The following SEC16B variants were observed in gnomAD, a reference collection of about 807,000 sequenced individuals.
The protein encoded by SEC16B is protein transport protein Sec16B.
A neutral mutation model predicts 141.8 loss-of-function variants in SEC16B; 115 were observed. The ratio of observed to expected loss-of-function variants is 0.81; its 90% CI spans 0.70 to 0.95. The LOEUF is 0.95. Ranked by LOEUF, SEC16B falls within the 40% of genes least tolerant of loss-of-function variation. SEC16B has a pLI of 0.00. For missense variants in SEC16B, 1,291 were observed against 1,312.3 expected (o/e 0.98, Z 0.25); for synonymous variants, 493 against 492.5 (o/e 1.00, Z -0.01).
At chr1:177,930,354 C>T (rs1650325205) in intron 25 of SEC16B, among the ~76,000 whole-genome samples, 191 bp downstream of exon 25, 1 of 152,218 alleles carries the variant, frequency 6.6e-6, no homozygotes, top group Non-Finnish European at 1.5e-5. Flanking sequence ...GTTCCAGGCC[C>T]TTCATATACA....
chr1:177,975,138 T>A (rs535184926), upstream of SEC16B, among the ~76,000 whole-genome samples: 2 of 152,268 alleles, frequency 1.3e-5, no homozygotes, highest in Non-Finnish European at 2.9e-5. Flanking sequence ...GGAGTGGGCT[T>A]TAACTAAGAA....
upstream of SEC16B, chr1:177,970,092 C>T (rs1653863410): frequency 6.6e-6 from 1 of 152,368 alleles, no homozygotes; most frequent in African/African-American, 2.4e-5. Flanking sequence ...CCAGATACCG[C>T]AGCCCAGGAC....
chr1:177,946,438 A>C lies in SEC16B; in HGVS notation c.1757T>G (p.Leu586Trp). Residue 586 changes from leucine (L) to tryptophan (W), a missense_variant, in exon 14 of 26, where the codon TTG becomes TGG. By Grantham distance (61) the Leu-to-Trp change is moderately conservative. This residue lies in a region of SEC16B where 605 missense variants were observed against 614.1 expected (regional missense o/e 0.99). Coordinates refer to ENST00000308284, the MANE Select transcript of SEC16B (RefSeq NM_033127.4). The stretch of plus-strand genomic sequence containing the variant: ...CGCATACCTGTGGCTGCTGCCCAGC[A>C]AGACCAGATGGTCTGTCTTCACGGT... Reference protein sequence around the residue: ...HYTVKTDHLVLLGSSHSQEFL... With the variant: ...HYTVKTDHLVWLGSSHSQEFL... The C allele has an allele frequency of 6.4e-7, 1 of 1,572,430 alleles. No individual in the cohort carries two copies. The highest frequency in any genetic ancestry group is 8.6e-7 in the Non-Finnish European group (1 of 1,158,982).
At chr1:177,961,459 T>C in intron 6 of SEC16B, 131 bp downstream of exon 6, 1 of 924,564 alleles carries the variant, frequency 1.1e-6, no homozygotes, top group South Asian at 1.8e-5. Flanking sequence ...AGTTGACCTC[T>C]CTGCCCAGGT....
intron 10 of SEC16B, among the ~76,000 whole-genome samples, chr1:177,955,250 C>T (rs1013601090): frequency 1.3e-5 from 2 of 151,846 alleles, no homozygotes; most frequent in African/African-American, 4.8e-5. Context: ...AATCCCTACA[C>T]TTTGGGAGGT....
chr1:177,959,678 G>C (rs959515667), intron 8 of SEC16B: 1 of 154,422 alleles, frequency 6.5e-6, no homozygotes, highest in African/African-American at 2.4e-5. Context: ...GCCTCGGGTA[G>C]GGAGAGCAGG....
Position 177,958,896 on chromosome 1 carries a change from T to G in SEC16B, c.1078A>C (p.Ser360Arg), listed in dbSNP as rs752733268. ...AQSCKSETLG[S>R]RDSALLWQLL... ...TGCCACAGTAGAGCTGAGTCTCTGC[T>G]CCCCAGTGTCTCAGATTTGCAGCTC... The change falls in exon 9 of 26, where the codon AGC becomes CGC. Residue 360 changes from serine (S) to arginine (R), a missense_variant. Coordinates refer to ENST00000308284, the MANE Select transcript of SEC16B (RefSeq NM_033127.4). 1 of 1,613,614 alleles carries G rather than the reference T, an allele frequency of 6.2e-7. No individual in the cohort carries two copies. Among genetic ancestry groups the G allele is most frequent in the Non-Finnish European group, 8.5e-7 (1 of 1,179,768 alleles).
At chr1:177,959,622 G>A (rs1652905636) in intron 8 of SEC16B, 1 of 155,906 alleles carries the variant, frequency 6.4e-6, no homozygotes, top group Admixed American at 6.2e-5. Flanking sequence ...ATATAGTAGT[G>A]ATGATACTTT....
intron 16 of SEC16B, among the ~76,000 whole-genome samples, 153 bp from the exon 17 acceptor site, chr1:177,940,867 C>T (rs867314488): frequency 6.6e-6 from 1 of 152,082 alleles, no homozygotes; most frequent in African/African-American, 2.4e-5. Flanking sequence ...AAAAAATAAT[C>T]GAAAAACAGC....
At chr1:177,940,577 TC>T (rs761881540) in intron 17 of SEC16B, 32 bp downstream of exon 17, 1 of 1,480,912 alleles carries the variant, frequency 6.8e-7, no homozygotes. Context: ...CAAAGGCCAG[TC>T]CCCCCAACGC....
chr1:177,932,644 C>T (rs1209244253), intron 23 of SEC16B, 54 bp downstream of exon 23: 2 of 1,511,120 alleles, frequency 1.3e-6, no homozygotes, highest in Non-Finnish European at 1.8e-6. Context: ...CACCCCAACC[C>T]TTGGGAGTGC....
At chr1:177,954,705 T>C (rs1652463053) in intron 10 of SEC16B, among the ~76,000 whole-genome samples, 2 of 152,194 alleles carry the variant, frequency 1.3e-5, no homozygotes, top group South Asian at 2.1e-4. Flanking sequence ...TACCAATGTA[T>C]AGTACACTTG....
rs1650544205 is a variant in SEC16B at position 177,932,816 on chromosome 1, GGAGA to G, written c.2824-14_2824-11del. Reference sequence around the variant, plus strand: ...ATGCTCTGGGGGTCTCCTGCTTTGTGGAGAAAGAAAGGCAGCATTGGCAACATTG... The same window carrying G: ...ATGCTCTGGGGGTCTCCTGCTTTGTGAAGAAAGGCAGCATTGGCAACATTG... On this transcript the variant is annotated splice_polypyrimidine_tract_variant and intron_variant, in intron 22 of 25. Transcript: ENST00000308284. The G allele has an allele frequency of 1.9e-6, 3 of 1,604,750 alleles. No homozygotes were observed. The highest frequency in any genetic ancestry group is 2.6e-6 in the Non-Finnish European group (3 of 1,175,932).
At chr1:177,950,960 A>T (rs1251947816) in intron 12 of SEC16B, among the ~76,000 whole-genome samples, 1 of 106,816 alleles carries the variant, frequency 9.4e-6, no homozygotes. Flanking sequence ...AGGGAAGGAA[A>T]GAAGGAAGGA....
intron 1 of SEC16B, among the ~76,000 whole-genome samples, chr1:177,968,545 A>C (rs1354896246): frequency 6.6e-6 from 1 of 152,196 alleles, no homozygotes; most frequent in Non-Finnish European, 1.5e-5. Context: ...ACTACCTTGC[A>C]AGGTTATTGA....
chr1:177,953,185 T>C (rs1472732266), intron 11 of SEC16B, among the ~76,000 whole-genome samples: 1 of 152,024 alleles, frequency 6.6e-6, no homozygotes, highest in African/African-American at 2.4e-5. Context: ...TTTGTATTTT[T>C]AGTAGAGACG....
chr1:177,933,748 G>A (rs954267154), intron 20 of SEC16B, 112 bp from the exon 21 acceptor site: 14 of 1,067,400 alleles, frequency 1.3e-5, no homozygotes, highest in East Asian at 2.4e-5. Flanking sequence ...TGTTGTCTCA[G>A]GATCATATTG....
At chr1:177,973,992 T>C (rs1160453998), upstream of SEC16B, among the ~76,000 whole-genome samples, 1 of 151,960 alleles carries the variant, frequency 6.6e-6, no homozygotes, top group Non-Finnish European at 1.5e-5. Flanking sequence ...AGAAGGGACA[T>C]ATAGAATATA....
In SEC16B at chr1:177,958,119, A is replaced by C; in HGVS notation, c.1365+13T>G. ...GCTTTTTCAAAATAAGTATGGGGGAAGGGCATACTTGCCTTCTTCCTTCCA... is the reference window on the plus strand; with the variant it reads ...GCTTTTTCAAAATAAGTATGGGGGACGGGCATACTTGCCTTCTTCCTTCCA... On this transcript the variant is annotated intron_variant, in intron 10 of 25. Transcript: ENST00000308284. 11 of 1,468,220 alleles carry C rather than the reference A, an allele frequency of 7.5e-6. No homozygotes were observed. Among genetic ancestry groups the C allele is most frequent in the Non-Finnish European group, 1.0e-5 (11 of 1,102,934 alleles). 90.9% of individuals were successfully genotyped at this position (1,468,220 alleles called of 1,614,324 possible).
Sources: gnomAD v4.1 joint callset for allele counts (sites outside exome capture counted in the v4.1 genomes callset) on GRCh38, gnomAD v4.1.1 for gene constraint, gnomAD v4.1.1 regional missense constraint, MANE v1.5 for transcripts, NCBI Gene and HGNC (gene_info 2026-07-23, HGNC 2026-07-21) for gene names.